The following REPS2 variants were observed in gnomAD, a reference collection of about 807,000 sequenced individuals.
The protein encoded by REPS2 is ralBP1-associated Eps domain-containing protein 2.
In REPS2, 23 loss-of-function variants were observed where a neutral mutation model predicts 53.6. The ratio of observed to expected loss-of-function variants is 0.43; its 90% CI spans 0.31 to 0.61. The LOEUF is 0.61. Among genes scored for constraint, REPS2 ranks in the 20% least tolerant of loss-of-function variants. The pLI is 0.11. For missense variants in REPS2, 446 were observed against 534.9 expected (o/e 0.83, Z 1.64); for synonymous variants, 238 against 218.6 (o/e 1.09, Z -0.78).
intron 5 of REPS2, among the ~76,000 whole-genome samples, chrX:17,041,217 A>G (rs1273453810): frequency 9.0e-6 from 1 of 110,977 alleles, no homozygotes; most frequent in Non-Finnish European, 1.9e-5. Context: ...ACTGGTGCTC[A>G]CATTGCAATG....
chrX:17,033,407 C>A (rs2061731140), intron 5 of REPS2, among the ~76,000 whole-genome samples: 1 of 111,690 alleles, frequency 9.0e-6, no homozygotes, highest in Non-Finnish European at 1.9e-5. Flanking sequence ...CACATAGCAC[C>A]ATCTGCCAGA....
intron 1 of REPS2, among the ~76,000 whole-genome samples, chrX:16,992,410 A>G (rs1024213246): frequency 8.9e-6 from 1 of 112,170 alleles, no homozygotes; most frequent in African/African-American, 3.2e-5. Flanking sequence ...AGCCCCAACA[A>G]ACTAAGACAT....
At chrX:17,076,660 G>T (rs150215413) in intron 12 of REPS2, among the ~76,000 whole-genome samples, 1,303 of 112,180 alleles carry the variant, frequency 0.012, 19 homozygotes, top group African/African-American at 0.04. Context: ...AATCTCAGAA[G>T]TTGCCTAGTT....
intron 14 of REPS2, among the ~76,000 whole-genome samples, chrX:17,122,667 C>G (rs767445815): frequency 6.2e-5 from 7 of 112,367 alleles, no homozygotes; most frequent in Non-Finnish European, 1.1e-4. Context: ...TGTTCCCACT[C>G]CAGTTCCATG....
chrX:17,131,903 GT>G (rs796407460), intron 14 of REPS2, among the ~76,000 whole-genome samples: 1,086 of 90,398 alleles, frequency 0.012, 14 homozygotes, highest in African/African-American at 0.035. Flanking sequence ...ATTTACTAGA[GT>G]TTTTTTTTTT....
chrX:17,098,435 G>A (rs1482146614), intron 13 of REPS2, among the ~76,000 whole-genome samples: 1 of 111,598 alleles, frequency 9.0e-6, no homozygotes, highest in South Asian at 3.8e-4. Context: ...TGAGAGTGTG[G>A]TGTGAAGTTT....
intron 13 of REPS2, among the ~76,000 whole-genome samples, chrX:17,095,108 AT>A (rs2062678505): frequency 8.9e-6 from 1 of 112,149 alleles, no homozygotes; most frequent in South Asian, 3.7e-4. Context: ...ATCCACTTAT[AT>A]TTAATAATGA....
At chrX:16,981,693 G>A (rs1233638628) in intron 1 of REPS2, among the ~76,000 whole-genome samples, 7 of 111,916 alleles carry the variant, frequency 6.3e-5, no homozygotes, top group South Asian at 7.4e-4. Context: ...ATCCTTACCC[G>A]TAGGCAAAAA....
At chrX:17,039,375 T>C (rs946791154) in intron 5 of REPS2, among the ~76,000 whole-genome samples, 19 of 112,293 alleles carry the variant, frequency 1.7e-4, no homozygotes, top group African/African-American at 4.9e-4. Flanking sequence ...AGTAAAATGA[T>C]TACATACCTG....
intron 13 of REPS2, among the ~76,000 whole-genome samples, chrX:17,086,154 ATTGT>A (rs1401095270): frequency 1.8e-5 from 2 of 110,888 alleles, no homozygotes; most frequent in South Asian, 3.8e-4. Flanking sequence ...TATTTTGCTG[ATTGT>A]TTGTTCTTCC....
intron 11 of REPS2, among the ~76,000 whole-genome samples, chrX:17,073,119 C>T (rs1732119797): frequency 8.9e-6 from 1 of 111,865 alleles, no homozygotes; most frequent in Non-Finnish European, 1.9e-5. Context: ...TTTTAATGAT[C>T]ATCATAAATT....
Position 17,152,161 on chromosome X carries a change from C to T in REPS2, c.*4680C>T, listed in dbSNP as rs1661950040. 1 of 111,913 alleles carries T rather than the reference C, an allele frequency of 8.9e-6. No homozygotes were observed. The highest frequency in any genetic ancestry group is 3.2e-5 in the African/African-American group (1 of 30,770). The allele number at this position is 111,913 out of a possible 1,213,427, so 9.2% of individuals were successfully genotyped here. ...ACTTTAAAAGCAACGCAAGCAGATT[C>T]GAAGAGCTGTTGCCCTCTTCTAAAA... On this transcript the variant is annotated 3_prime_UTR_variant, in exon 18 of 18. Coordinates refer to ENST00000357277, the MANE Select transcript of REPS2 (RefSeq NM_004726.3).
At chrX:17,189,296 T>C in the REPS2 span, among the ~76,000 whole-genome samples, 1 of 108,760 alleles carries the variant, frequency 9.2e-6, no homozygotes, top group Non-Finnish European at 1.9e-5. Context: ...TTTTCTTTTT[T>C]TTTTTTTTAG....
chrX:17,030,513 G>C (rs1212356341), intron 5 of REPS2, among the ~76,000 whole-genome samples: 1 of 111,650 alleles, frequency 9.0e-6, no homozygotes, highest in Non-Finnish European at 1.9e-5. Flanking sequence ...CTGCTAGGTT[G>C]GAATAGGATA....
At chrX:16,989,157 A>G (rs1454742445) in intron 1 of REPS2, among the ~76,000 whole-genome samples, 1 of 110,704 alleles carries the variant, frequency 9.0e-6, no homozygotes, top group African/African-American at 3.3e-5. Context: ...AATGTGCCCA[A>G]TTGATCTTTG....
chrX:16,978,862 C>G (rs911068365), intron 1 of REPS2, among the ~76,000 whole-genome samples: 1 of 111,332 alleles, frequency 9.0e-6, no homozygotes, highest in Non-Finnish European at 1.9e-5. Context: ...CACTGGATCT[C>G]TAAACTAGGA....
chrX:17,147,218 T>G (rs962825930), intron 17 of REPS2, among the ~76,000 whole-genome samples, 195 bp from the exon 18 acceptor site: 1 of 111,627 alleles, frequency 9.0e-6, no homozygotes, highest in African/African-American at 3.3e-5. Context: ...GTTGAGAGAT[T>G]ACAAATTGTG....
intron 1 of REPS2, among the ~76,000 whole-genome samples, chrX:17,001,319 G>T (rs776013734): frequency 8.9e-6 from 1 of 112,658 alleles, no homozygotes; most frequent in Non-Finnish European, 1.9e-5. Flanking sequence ...TTTGCAATCA[G>T]TACCAATGGT....
chrX:16,964,381 G>T (rs1448157161), intron 1 of REPS2, among the ~76,000 whole-genome samples: 2 of 108,990 alleles, frequency 1.8e-5, no homozygotes, highest in African/African-American at 6.7e-5. Flanking sequence ...CAAGGCAGAA[G>T]AATTTTTCTT....
Sources: allele counts gnomAD v4.1 joint callset (sites outside exome capture counted in the v4.1 genomes callset), GRCh38; gene constraint gnomAD v4.1.1; transcripts MANE v1.5; gene names NCBI Gene and HGNC (gene_info 2026-07-23, HGNC 2026-07-21).